The following SCAPER variants were observed in gnomAD, a reference collection of about 807,000 sequenced individuals.
SCAPER encodes the protein S-phase cyclin A associated protein in the ER, also known as S phase cyclin A-associated protein in the endoplasmic reticulum.
Under a neutral mutation model 182.2 loss-of-function variants are expected in SCAPER, and 98 were observed. That is an observed-to-expected ratio of 0.54 (90% confidence interval 0.46 to 0.64). SCAPER has a LOEUF of 0.64. SCAPER is among the 30% of genes least tolerant of loss of function. The pLI is 0.00. For missense variants in SCAPER, 1,432 were observed against 1,690.0 expected (o/e 0.85, Z 2.68); for synonymous variants, 605 against 564.6 (o/e 1.07, Z -1.01).
At chr15:76,640,974 T>C (rs767637372) in intron 21 of SCAPER, among the ~76,000 whole-genome samples, 1 of 152,180 alleles carries the variant, frequency 6.6e-6, no homozygotes, top group Non-Finnish European at 1.5e-5. Flanking sequence ...GTGACCCTTG[T>C]GGAGAGCCTA....
At chr15:76,376,748 C>A (rs1425580752) in intron 28 of SCAPER, among the ~76,000 whole-genome samples, 1 of 152,004 alleles carries the variant, frequency 6.6e-6, no homozygotes, top group African/African-American at 2.4e-5. Context: ...CAGAGTTAAA[C>A]ATATATTTCT....
intron 25 of SCAPER, among the ~76,000 whole-genome samples, chr15:76,461,367 GA>G (rs1300690147): frequency 6.6e-6 from 1 of 151,274 alleles, no homozygotes; most frequent in East Asian, 1.9e-4. Flanking sequence ...TATTTTGTGG[GA>G]AATTATTTTG....
At chr15:76,426,666 A>G (rs943819408) in intron 26 of SCAPER, among the ~76,000 whole-genome samples, 4 of 152,170 alleles carry the variant, frequency 2.6e-5, no homozygotes, top group Non-Finnish European at 5.9e-5. Flanking sequence ...ATTTAATGCA[A>G]TCTCTGTCGG....
intron 25 of SCAPER, among the ~76,000 whole-genome samples, chr15:76,461,682 A>G (rs2049189914): frequency 6.6e-6 from 1 of 152,094 alleles, no homozygotes; most frequent in Non-Finnish European, 1.5e-5. Context: ...TTGTTTTAAT[A>G]TCCTTGTTTG....
At chr15:76,794,597 A>G (rs1175881652) in intron 8 of SCAPER, among the ~76,000 whole-genome samples, 4 of 152,232 alleles carry the variant, frequency 2.6e-5, no homozygotes, top group South Asian at 4.1e-4. Context: ...AAAAGTTCCA[A>G]TGGCATCTTC....
intron 21 of SCAPER, among the ~76,000 whole-genome samples, chr15:76,664,803 T>G (rs2056446127): frequency 6.6e-6 from 1 of 152,184 alleles, no homozygotes; most frequent in Non-Finnish European, 1.5e-5. Context: ...TTTTCTATTC[T>G]TTGATTAAAT....
chr15:76,829,744 T>A (rs1469633146), intron 5 of SCAPER, among the ~76,000 whole-genome samples: 1 of 152,142 alleles, frequency 6.6e-6, no homozygotes, highest in Non-Finnish European at 1.5e-5. Context: ...CTAACGTCAG[T>A]GCAACTGTGT....
chr15:76,604,507 G>A lies in SCAPER; in HGVS notation c.2711+17257C>T, dbSNP rs1362820185. ...TGCCTTAGGATTGACTTGGCGATGC[G>A]GGCTCTTTTTTGGTTCCATATGAAC... On this transcript the variant is annotated intron_variant, in intron 22 of 31. Transcript: ENST00000563290. 1.7e-4 allele frequency among the ~76,000 whole-genome samples: 20 copies of A among 120,466 alleles called. 7 individuals carry two copies. The highest frequency in any genetic ancestry group is 2.6e-4 in the Non-Finnish European group (13 of 49,600). 79.0% of individuals were successfully genotyped at this position (120,466 alleles called of 152,430 possible). A position where few individuals can be genotyped will look rare whatever the true frequency, so the allele number is the denominator to read the frequency against.
At chr15:76,764,106 A>ATT (rs2062963897) in intron 14 of SCAPER, among the ~76,000 whole-genome samples, 8 of 152,198 alleles carry the variant, frequency 5.3e-5, no homozygotes, top group Non-Finnish European at 8.8e-5. Flanking sequence ...GGCTTCAGAA[A>ATT]GGATAGTCAA....
In SCAPER at chr15:76,432,368, AG is replaced by A. The variant is rs538514137; in HGVS notation, c.3311+1709del. ...TGAGGAAAGAGGACAGGCAGATAGAAGGGGTAAGTGAACAAAGTAATCAAGG... is the reference window on the plus strand; with the variant it reads ...TGAGGAAAGAGGACAGGCAGATAGAAGGGTAAGTGAACAAAGTAATCAAGG... On this transcript the variant is annotated intron_variant, in intron 26 of 31. Coordinates refer to ENST00000563290, the MANE Select transcript of SCAPER (RefSeq NM_020843.4). 7.9e-5 allele frequency among the ~76,000 whole-genome samples: 12 copies of A among 152,356 alleles called. No individual in the cohort carries two copies. In the East Asian group the frequency reaches 2.1e-3, roughly 27 times the overall value.
At chr15:76,881,164 T>C (rs942134620) in intron 2 of SCAPER, among the ~76,000 whole-genome samples, 1 of 152,206 alleles carries the variant, frequency 6.6e-6, no homozygotes, top group African/African-American at 2.4e-5. Flanking sequence ...GATATGATCA[T>C]GGCTCACTGC....
chr15:76,553,133 C>G (rs2144989634), intron 23 of SCAPER, among the ~76,000 whole-genome samples: 1 of 152,340 alleles, frequency 6.6e-6, no homozygotes, highest in East Asian at 1.9e-4. Context: ...TGTGGGTGGA[C>G]CCTGTCTCCC....
rs200049532 is a variant in SCAPER at position 76,574,291 on chromosome 15, T to C, written c.2712-7A>G. 343 of 1,609,672 alleles carry C rather than the reference T, an allele frequency of 2.1e-4. 3 individuals are homozygous for C. The Middle Eastern group carries it at 0.015, about 68-fold the overall frequency. On this transcript the variant is annotated splice_polypyrimidine_tract_variant and splice_region_variant and intron_variant, in intron 22 of 31. Coordinates refer to ENST00000563290, the MANE Select transcript of SCAPER (RefSeq NM_020843.4). ...TTTGGCTAATCGCTGAAGCCTTTAA[T>C]ACCAAATGAAAGGAAAGAATGACAT...
intron 23 of SCAPER, among the ~76,000 whole-genome samples, chr15:76,539,027 A>C (rs2044475607): frequency 6.6e-6 from 1 of 152,076 alleles, no homozygotes. Flanking sequence ...TACAATAATT[A>C]TGTAACTTAA....
At chr15:76,704,989 G>A (rs1463584066) in intron 18 of SCAPER, among the ~76,000 whole-genome samples, 14 of 152,124 alleles carry the variant, frequency 9.2e-5, no homozygotes, top group South Asian at 2.1e-4. Flanking sequence ...TCAGTGTGGC[G>A]ATTCCTCAGG....
intron 29 of SCAPER, among the ~76,000 whole-genome samples, chr15:76,366,599 T>A (rs1268685841): frequency 6.6e-6 from 1 of 152,230 alleles, no homozygotes; most frequent in Non-Finnish European, 1.5e-5. Context: ...AATGTTCACA[T>A]TGATTCATTG....
In SCAPER at chr15:76,713,066, G is replaced by A. The variant is rs548327482; in HGVS notation, c.2166-7082C>T. On this transcript the variant is annotated intron_variant, in intron 17 of 31. Coordinates refer to ENST00000563290, the MANE Select transcript of SCAPER (RefSeq NM_020843.4). ...TTTTTGCCCATTCAGTATGATATTGGCTGTGGGTTTGTCATAGATAGCTCT... is the reference window on the plus strand; with the variant it reads ...TTTTTGCCCATTCAGTATGATATTGACTGTGGGTTTGTCATAGATAGCTCT... Among the ~76,000 whole-genome samples the A allele has an allele frequency of 9.9e-5, 15 of 152,192 alleles. No homozygotes were observed. In the East Asian group the frequency reaches 2.5e-3, roughly 25 times the overall value.
intron 23 of SCAPER, among the ~76,000 whole-genome samples, chr15:76,508,196 G>C (rs1010848583): frequency 2.6e-5 from 4 of 151,744 alleles, no homozygotes; most frequent in African/African-American, 9.7e-5. Context: ...AGCTTTTTTT[G>C]GTTGATTGCT....
rs146019675 is a variant in SCAPER, at chr15:76,737,458, G to A, written c.1867-4074C>T. 3.2e-3 allele frequency among the ~76,000 whole-genome samples: 487 copies of A among 152,310 alleles called. 5 individuals are homozygous for A. The highest frequency in any genetic ancestry group is 0.011 in the African/African-American group (465 of 41,568). On this transcript the variant is annotated intron_variant, in intron 15 of 31. Transcript: ENST00000563290. Reference sequence around the variant, plus strand: ...ATGCTATAAACAGATGTGCTGTCACGCCAGCTTTGTTGTTCCATTTATAGA... The same window carrying A: ...ATGCTATAAACAGATGTGCTGTCACACCAGCTTTGTTGTTCCATTTATAGA...
Sources: allele counts gnomAD v4.1 joint callset (sites outside exome capture counted in the v4.1 genomes callset), GRCh38; gene constraint gnomAD v4.1.1; transcripts MANE v1.5; gene names NCBI Gene and HGNC (gene_info 2026-07-23, HGNC 2026-07-21).